AXDND1: variants seen among roughly 807,000 people sequenced by gnomAD.
The protein encoded by AXDND1 is axonemal dynein light chain domain containing 1, also known as axonemal dynein light chain domain-containing protein 1.
In AXDND1, 110 loss-of-function variants were observed where a neutral mutation model predicts 137.5. The ratio of observed to expected loss-of-function variants is 0.80; its 90% CI spans 0.69 to 0.94. The LOEUF (loss-of-function observed/expected upper bound fraction) is 0.94. AXDND1 is among the 40% of genes least tolerant of loss of function. The pLI, the probability that AXDND1 is intolerant of heterozygous loss-of-function variation, is 0.00. For missense variants in AXDND1, 1,191 were observed against 1,169.8 expected, an observed-to-expected ratio of 1.02 and a Z score of -0.26; for synonymous variants, 414 against 399.7, an observed-to-expected ratio of 1.04 and a Z score of -0.43.
At chr1:179,404,336 C>T (rs1216842672) in intron 11 of AXDND1, among the ~76,000 whole-genome samples, 1 of 151,954 alleles carries the variant, frequency 6.6e-6, no homozygotes, top group Non-Finnish European at 1.5e-5. Context: ...GTTCTCCTGC[C>T]TCAGCCTCCT....
At position 179,379,497 on chromosome 1, in the gene AXDND1, A is replaced by G. The variant is rs1647849916; in HGVS notation, c.581+15A>G. On this transcript the variant is annotated intron_variant, in intron 6 of 25. Transcript: ENST00000367618. ...TGTTATGATGAGTGAGTACTATGAT[A>G]TGTAAAAAATACCTGCCCCAGCTCG... 1.9e-6 allele frequency: 3 copies of G among 1,601,136 alleles called. No individual in the cohort carries two copies. Among genetic ancestry groups the G allele is most frequent in the Non-Finnish European group, 2.6e-6 (3 of 1,174,484 alleles).
chr1:179,487,809 A>G lies in AXDND1; in HGVS notation c.2092-3729A>G, dbSNP rs754277066. Among the ~76,000 whole-genome samples the G allele has an allele frequency of 6.1e-5, 9 of 148,164 alleles. 1 individual carries two copies. The South Asian group carries it at 6.3e-4, about 10-fold the overall frequency. On this transcript the variant is annotated intron_variant, in intron 18 of 25. Coordinates refer to ENST00000367618, the MANE Select transcript of AXDND1 (RefSeq NM_144696.6). ...CCAGGAATTTAAGACCAACCTGGTC[A>G]ACACAGTGAGAACTCATCTCTACAA...
intron 12 of AXDND1, among the ~76,000 whole-genome samples, chr1:179,428,184 A>G (rs1310030530): frequency 6.6e-6 from 1 of 152,236 alleles, no homozygotes; most frequent in Non-Finnish European, 1.5e-5. Flanking sequence ...AGAGGAAACA[A>G]TCATGACAGT....
chr1:179,402,182 A>AT (rs1401999361), intron 11 of AXDND1, among the ~76,000 whole-genome samples: 34 of 151,524 alleles, frequency 2.2e-4, no homozygotes, highest in African/African-American at 7.3e-4. Flanking sequence ...AAAAAAAAAA[A>AT]TCACCCTGTC....
At chr1:179,464,082 C>G (rs2125456846) in intron 16 of AXDND1, among the ~76,000 whole-genome samples, 1 of 152,238 alleles carries the variant, frequency 6.6e-6, no homozygotes, top group Non-Finnish European at 1.5e-5. Flanking sequence ...ATTTGCCAGT[C>G]TGTGTCTTTT....
At chr1:179,510,039 G>A (rs1339116157) in intron 21 of AXDND1, among the ~76,000 whole-genome samples, 2 of 152,118 alleles carry the variant, frequency 1.3e-5, no homozygotes, top group African/African-American at 4.8e-5. Flanking sequence ...CTTCTGTGTA[G>A]CATTTGGCTC....
At chr1:179,395,309 C>T in intron 11 of AXDND1, 107 bp downstream of exon 11, 1 of 798,722 alleles carries the variant, frequency 1.3e-6, no homozygotes, top group Non-Finnish European at 2.0e-6. Flanking sequence ...TCTAAAATCA[C>T]ATATAGATAG....
chr1:179,366,739 A>T, intron 2 of AXDND1, 133 bp downstream of exon 2: 1 of 702,496 alleles, frequency 1.4e-6, no homozygotes, highest in Non-Finnish European at 2.4e-6. Flanking sequence ...ACTTGCTTAA[A>T]TAAAGCAAGA....
chr1:179,534,609 C>T lies in AXDND1; in HGVS notation c.2799-121C>T, dbSNP rs945331793. ...AGTTAATCATTGATGCTGTTGCTTCCCTTATTTCTACCCTTCAGACACATT... is the reference window on the plus strand; with the variant it reads ...AGTTAATCATTGATGCTGTTGCTTCTCTTATTTCTACCCTTCAGACACATT... On this transcript the variant is annotated intron_variant, in intron 24 of 25. Transcript: ENST00000367618. The T allele has an allele frequency of 6.2e-6, 8 of 1,297,028 alleles. No homozygotes were observed. In the Admixed American group the frequency reaches 2.3e-4, roughly 38 times the overall value. The allele number at this position is 1,297,028 out of a possible 1,614,324, so 80.3% of individuals were successfully genotyped here. A position where few individuals can be genotyped will look rare whatever the true frequency, so the allele number is the denominator to read the frequency against.
intron 16 of AXDND1, among the ~76,000 whole-genome samples, chr1:179,464,660 C>G (rs537508766): frequency 1.1e-3 from 164 of 152,234 alleles, no homozygotes; most frequent in African/African-American, 3.8e-3. Context: ...GAATGTTGGC[C>G]TGCCTTGCTA....
At chr1:179,481,318 A>C (rs1161831009) in intron 17 of AXDND1, among the ~76,000 whole-genome samples, 3 of 151,860 alleles carry the variant, frequency 2.0e-5, no homozygotes, top group African/African-American at 4.8e-5. Flanking sequence ...TGAACTCATC[A>C]TTTTTTACGG....
intron 11 of AXDND1, among the ~76,000 whole-genome samples, chr1:179,399,351 G>T (rs1358902155): frequency 6.6e-6 from 1 of 152,100 alleles, no homozygotes; most frequent in Non-Finnish European, 1.5e-5. Context: ...TCAATAAATG[G>T]TGCTGGGATA....
intron 23 of AXDND1, among the ~76,000 whole-genome samples, chr1:179,531,602 C>T (rs978214571): frequency 3.3e-5 from 5 of 151,984 alleles, no homozygotes; most frequent in Admixed American, 6.6e-5. Context: ...TAGTAGGGGA[C>T]GAGGTTGATT....
chr1:179,534,512 A>G (rs1270299340), intron 24 of AXDND1: 2 of 446,196 alleles, frequency 4.5e-6, no homozygotes. Context: ...AGTGATAAAT[A>G]TATTCTTAAA....
intron 19 of AXDND1, among the ~76,000 whole-genome samples, chr1:179,492,483 A>T (rs1667033192): frequency 6.6e-6 from 1 of 152,002 alleles, no homozygotes; most frequent in Admixed American, 6.6e-5. Flanking sequence ...CTGAAAAGCT[A>T]GAAGATTTCC....
rs768635158 is a variant in AXDND1, at chr1:179,445,187, G to T, written c.1781G>T (p.Arg594Ile). ...IQKLYKEYEIRINGDNGYSKI... is the reference protein window; with the variant it reads ...IQKLYKEYEIIINGDNGYSKI... ...AAACTCTACAAAGAATATGAAATAA[G>T]AATAAATGGGGACAATGGTAAGAAA... is the stretch of plus-strand genomic sequence containing the variant. The change falls in exon 16 of 26, where the codon AGA (arginine) becomes ATA (isoleucine). Residue 594 changes from arginine to isoleucine, a missense_variant. Coordinates refer to ENST00000367618, the MANE Select transcript of AXDND1 (RefSeq NM_144696.6). 1.3e-6 allele frequency: 2 copies of T among 1,576,522 alleles called. No individual in the cohort carries two copies. The highest frequency in any genetic ancestry group is 3.5e-5 in the Admixed American group (2 of 57,344).
chr1:179,503,638 T>C (rs1668243811), intron 20 of AXDND1, among the ~76,000 whole-genome samples: 1 of 152,124 alleles, frequency 6.6e-6, no homozygotes, highest in Non-Finnish European at 1.5e-5. Context: ...TGTGCCATGT[T>C]GGTGTGCTGC....
chr1:179,554,605 A>G lies in AXDND1; in HGVS notation c.*86A>G. 1 of 1,593,290 alleles carries G rather than the reference A, an allele frequency of 6.3e-7. No homozygotes were observed. The highest frequency in any genetic ancestry group is 8.6e-7 in the Non-Finnish European group (1 of 1,161,148). On this transcript the variant is annotated 3_prime_UTR_variant, in exon 26 of 26. Transcript: ENST00000367618. ...AGAGCATGCCTAAACCCTGGTGGCC[A>G]TTGTTCTGTACTAAGGAACAACATT...
At chr1:179,472,855 T>A (rs971403360) in intron 17 of AXDND1, among the ~76,000 whole-genome samples, 1 of 152,204 alleles carries the variant, frequency 6.6e-6, no homozygotes, top group Admixed American at 6.5e-5. Context: ...TTTCCTTTTA[T>A]ACTGTTATAT....
Sources: allele counts gnomAD v4.1 joint callset (sites outside exome capture counted in the v4.1 genomes callset), GRCh38; gene constraint gnomAD v4.1.1; transcripts MANE v1.5; gene names NCBI Gene and HGNC (gene_info 2026-07-23, HGNC 2026-07-21).